The following MARCHF1 variants were observed in gnomAD, a reference collection of about 807,000 sequenced individuals.
MARCHF1 encodes E3 ubiquitin-protein ligase MARCHF1.
In MARCHF1, 40 loss-of-function variants were observed where a neutral mutation model predicts 54.2. The observed-to-expected ratio is 0.74, with a 90% CI of 0.57 to 0.96. The LOEUF (loss-of-function observed/expected upper bound fraction) is 0.96, where lower values mean the gene tolerates loss of function less well. MARCHF1 is among the 40% of genes least tolerant of loss of function. The pLI is 0.00. For missense variants in MARCHF1, 586 were observed against 656.5 expected, an observed-to-expected ratio of 0.89 and a Z score of 1.17; for synonymous variants, 236 against 236.3, an observed-to-expected ratio of 1.00 and a Z score of 0.01.
chr4:163,581,914 G>A (rs1241378157), intron 8 of MARCHF1, among the ~76,000 whole-genome samples: 1 of 151,976 alleles, frequency 6.6e-6, no homozygotes, highest in Non-Finnish European at 1.5e-5. Flanking sequence ...ATGAGGCAAG[G>A]GACAAAAAGA....
chr4:163,877,644 TAA>T (rs968840059), intron 3 of MARCHF1, among the ~76,000 whole-genome samples: 1 of 152,116 alleles, frequency 6.6e-6, no homozygotes, highest in African/African-American at 2.4e-5. Flanking sequence ...TGTCCAAAAA[TAA>T]ACTCTTGACC....
chr4:163,638,595 C>T (rs1253459601), intron 5 of MARCHF1, among the ~76,000 whole-genome samples: 1 of 151,982 alleles, frequency 6.6e-6, no homozygotes, highest in Admixed American at 6.6e-5. Context: ...ATTACCCAGC[C>T]TCAGATATTT....
intron 2 of MARCHF1, among the ~76,000 whole-genome samples, chr4:164,049,357 C>T (rs1754308558): frequency 6.6e-6 from 1 of 152,184 alleles, no homozygotes; most frequent in African/African-American, 2.4e-5. Flanking sequence ...ATGGGGATTA[C>T]AATTCAAGAT....
At chr4:164,176,853 C>A (rs190415219) in intron 1 of MARCHF1, among the ~76,000 whole-genome samples, 5 of 151,228 alleles carry the variant, frequency 3.3e-5, no homozygotes, top group African/African-American at 1.2e-4. Flanking sequence ...GAATAACCAT[C>A]AGGCCTTCTG....
chr4:163,714,598 C>G (rs922390697), intron 4 of MARCHF1, among the ~76,000 whole-genome samples: 2 of 152,226 alleles, frequency 1.3e-5, no homozygotes, highest in Non-Finnish European at 2.9e-5. Flanking sequence ...ATGTTGGATT[C>G]AGAGACATAT....
At chr4:163,593,621 C>T (rs1740663895) in intron 7 of MARCHF1, among the ~76,000 whole-genome samples, 1 of 152,144 alleles carries the variant, frequency 6.6e-6, no homozygotes, top group Non-Finnish European at 1.5e-5. Context: ...TCATCCTCAA[C>T]CATGACTTCC....
At chr4:164,100,405 G>A (rs745338301) in intron 2 of MARCHF1, among the ~76,000 whole-genome samples, 5 of 152,148 alleles carry the variant, frequency 3.3e-5, no homozygotes, top group South Asian at 2.1e-4. Flanking sequence ...TAGCCTTTTA[G>A]CATTCATTTA....
At chr4:164,363,866 G>C (rs369635598) in intron 1 of MARCHF1, among the ~76,000 whole-genome samples, 2 of 151,814 alleles carry the variant, frequency 1.3e-5, no homozygotes. Context: ...GGGGTCTTCT[G>C]GTGTTATCAG....
chr4:163,857,081 T>C (rs1202404321), intron 3 of MARCHF1, among the ~76,000 whole-genome samples: 2 of 147,774 alleles, frequency 1.4e-5, no homozygotes, highest in African/African-American at 5.0e-5. Flanking sequence ...AGCATGAGTA[T>C]AGGTGCAAAT....
At chr4:164,198,017 T>C (rs1731330594) in intron 1 of MARCHF1, among the ~76,000 whole-genome samples, 1 of 152,206 alleles carries the variant, frequency 6.6e-6, no homozygotes, top group Non-Finnish European at 1.5e-5. Context: ...CTACTTACTG[T>C]GAATCAGCCT....
chr4:163,913,616 C>A (rs900180180), intron 3 of MARCHF1, among the ~76,000 whole-genome samples: 1 of 152,140 alleles, frequency 6.6e-6, no homozygotes, highest in African/African-American at 2.4e-5. Context: ...GCCTGTGTAA[C>A]TTGATAGTCA....
intron 8 of MARCHF1, among the ~76,000 whole-genome samples, chr4:163,555,123 A>T (rs577878089): frequency 6.6e-6 from 1 of 152,350 alleles, no homozygotes; most frequent in South Asian, 2.1e-4. Context: ...AAATGTTTGT[A>T]TATCTGTCCT....
chr4:164,222,033 C>A (rs1461758573), intron 1 of MARCHF1, among the ~76,000 whole-genome samples: 2 of 151,936 alleles, frequency 1.3e-5, no homozygotes, highest in Non-Finnish European at 2.9e-5. Flanking sequence ...AAGGTTACAT[C>A]TGGTGCCTGC....
At chr4:164,367,198 T>A (rs1049137677) in intron 1 of MARCHF1, among the ~76,000 whole-genome samples, 3 of 152,116 alleles carry the variant, frequency 2.0e-5, no homozygotes, top group African/African-American at 7.2e-5. Context: ...TTACATTTTC[T>A]TAGCTTGTGA....
chr4:163,712,002 T>A (rs181198333), intron 4 of MARCHF1, among the ~76,000 whole-genome samples: 4 of 152,250 alleles, frequency 2.6e-5, no homozygotes, highest in Admixed American at 2.0e-4. Flanking sequence ...TTTATCAGAG[T>A]CTGCAGTGAC....
chr4:163,750,973 A>G (rs1303690583), intron 4 of MARCHF1, among the ~76,000 whole-genome samples: 1 of 152,250 alleles, frequency 6.6e-6, no homozygotes, highest in Non-Finnish European at 1.5e-5. Flanking sequence ...GCATCAATTC[A>G]TGATAAAAAT....
intron 5 of MARCHF1, among the ~76,000 whole-genome samples, chr4:163,643,911 T>C (rs948545917): frequency 1.3e-5 from 2 of 152,152 alleles, no homozygotes; most frequent in African/African-American, 4.8e-5. Flanking sequence ...GGAATGGAGA[T>C]AGGAGTAATG....
chr4:164,304,286 A>G (rs1260565147), intron 1 of MARCHF1, among the ~76,000 whole-genome samples: 1 of 152,240 alleles, frequency 6.6e-6, no homozygotes, highest in Non-Finnish European at 1.5e-5. Flanking sequence ...TGAGGCCTCT[A>G]GCAACAGTCT....
chr4:163,829,694 T>C (rs1748962699), intron 4 of MARCHF1, among the ~76,000 whole-genome samples: 1 of 152,226 alleles, frequency 6.6e-6, no homozygotes, highest in African/African-American at 2.4e-5. Context: ...AAATAACACT[T>C]AAATTTGTAA....
Sources: gnomAD v4.1 joint callset for allele counts (sites outside exome capture counted in the v4.1 genomes callset) on GRCh38, gnomAD v4.1.1 for gene constraint, MANE v1.5 for transcripts, NCBI Gene and HGNC (gene_info 2026-07-23, HGNC 2026-07-21) for gene names.